The following PLB1 variants were observed in gnomAD, a reference collection of about 807,000 sequenced individuals.
The protein encoded by PLB1 is phospholipase B1, also known as phospholipase B1, membrane-associated.
A neutral mutation model predicts 227.4 loss-of-function variants in PLB1; 242 were observed. That is an observed-to-expected ratio of 1.06 (90% CI 0.96 to 1.18). The LOEUF is 1.18. PLB1 is among the 50% of genes most tolerant of loss of function. The pLI is 0.00. For missense variants in PLB1, 1,858 were observed against 1,816.3 expected, an observed-to-expected ratio of 1.02 and a Z score of -0.42; for synonymous variants, 757 against 682.2, an observed-to-expected ratio of 1.11 and a Z score of -1.71.
intron 50 of PLB1, among the ~76,000 whole-genome samples, chr2:28,625,902 G>A (rs560272816): frequency 6.8e-6 from 1 of 147,546 alleles, no homozygotes; most frequent in African/African-American, 2.5e-5. Context: ...CCCGTCCCCC[G>A]CCAGCGCCCA....
chr2:28,542,547 G>T (rs908704132), intron 13 of PLB1, among the ~76,000 whole-genome samples: 2 of 152,166 alleles, frequency 1.3e-5, no homozygotes, highest in Non-Finnish European at 2.9e-5. Flanking sequence ...TGCTGGGGAA[G>T]TGCTCGCACC....
At chr2:28,540,038 C>T (rs1469032036) in intron 11 of PLB1, among the ~76,000 whole-genome samples, 1 of 141,174 alleles carries the variant, frequency 7.1e-6, no homozygotes, top group African/African-American at 2.7e-5. Flanking sequence ...GGAGAGCTTC[C>T]CTCCATCCCA....
In PLB1 at chr2:28,529,381, G is replaced by C. The variant is rs146542771; in HGVS notation, c.390G>C (p.Lys130Asn). The C allele has an allele frequency of 1.2e-6, 2 of 1,608,832 alleles. No individual in the cohort carries two copies. Among genetic ancestry groups the C allele is most frequent in the African/African-American group, 1.3e-5 (1 of 74,796 alleles). Reference sequence around the variant, plus strand: ...CAATGCCTGTGTGCCACACTGGAAAGAGAGTCATACCCCACGATGGTGCTG... The same window carrying C: ...CAATGCCTGTGTGCCACACTGGAAACAGAGTCATACCCCACGATGGTGCTG... ...SVPMPVCHTG[K>N]RVIPHDGAED... The change falls in exon 7 of 58, where the codon AAG becomes AAC. Residue 130 changes from lysine (K) to asparagine (N), a missense_variant. By Grantham distance (94) the Lys-to-Asn change is moderately conservative (BLOSUM62 0). Transcript: ENST00000327757.
intron 2 of PLB1, among the ~76,000 whole-genome samples, chr2:28,517,556 G>A (rs1352525671): frequency 2.6e-5 from 4 of 152,106 alleles, no homozygotes; most frequent in Non-Finnish European, 5.9e-5. Flanking sequence ...AGTGTACCCA[G>A]TTTTTGGCAA....
chr2:28,594,002 C>T (rs1553447320), intron 33 of PLB1: 1 of 737,010 alleles, frequency 1.4e-6, no homozygotes, highest in Non-Finnish European at 2.5e-6. Context: ...TATCAGACTC[C>T]TGGGTCAGCA....
chr2:28,571,397 A>T (rs575542499), intron 20 of PLB1, among the ~76,000 whole-genome samples: 2 of 152,212 alleles, frequency 1.3e-5, no homozygotes, highest in Admixed American at 6.5e-5. Context: ...TACGGATTCA[A>T]TGTGATCCCT....
intron 54 of PLB1, among the ~76,000 whole-genome samples, chr2:28,630,871 C>T (rs1461885680): frequency 1.3e-5 from 2 of 152,176 alleles, no homozygotes; most frequent in Admixed American, 6.5e-5. Context: ...CTGAGAAAAT[C>T]CCCTTCTCCC....
At chr2:28,621,062 C>T (rs528703678) in intron 49 of PLB1, 84 bp downstream of exon 49, 28 of 1,184,338 alleles carry the variant, frequency 2.4e-5, no homozygotes, top group Non-Finnish European at 3.2e-5. Context: ...AGGGTGGTGT[C>T]CAGAAGCCTG....
At chr2:28,518,617 G>A in intron 3 of PLB1, 85 bp downstream of exon 3, 1 of 994,640 alleles carries the variant, frequency 1.0e-6, no homozygotes, top group Middle Eastern at 2.1e-4. Flanking sequence ...TATTCTTCTT[G>A]GACCTGTTGC....
chr2:28,599,964 A>G (rs9711725), intron 35 of PLB1, among the ~76,000 whole-genome samples: 7,427 of 151,932 alleles, frequency 0.049, 588 homozygotes, highest in African/African-American at 0.17. Context: ...GCTGAGTGCT[A>G]TGGCATGATC....
intron 18 of PLB1, among the ~76,000 whole-genome samples, 193 bp downstream of exon 18, chr2:28,563,292 C>T (rs966505841): frequency 5.9e-5 from 9 of 152,118 alleles, no homozygotes; most frequent in Non-Finnish European, 8.8e-5. Flanking sequence ...CATGGTTTCC[C>T]ACCTCCATTC....
rs749607214 is a variant in PLB1, at chr2:28,642,673, T to C, written c.4174-185T>C. 2.0e-5 allele frequency among the ~76,000 whole-genome samples: 3 copies of C among 152,288 alleles called. No homozygotes were observed. In the Middle Eastern group the frequency reaches 0.01, roughly 518 times the overall value. ...GGTTCTAGCTGGGTGTTGACCTCTT[T>C]AGAGGCCCATCCCGCTAAAGAGGGT... On this transcript the variant is annotated intron_variant, in intron 57 of 57. Transcript: ENST00000327757.
intron 12 of PLB1, 111 bp from the exon 13 acceptor site, chr2:28,541,596 C>T (rs562962823): frequency 9.8e-5 from 73 of 744,654 alleles, no homozygotes; most frequent in Non-Finnish European, 1.5e-4. Flanking sequence ...TTGACCACAA[C>T]GCAAGAGGCA....
chr2:28,512,671 GT>G lies in PLB1; in HGVS notation c.56-4128del, dbSNP rs112277432. ...AGCTAACCACTGATGTCTTTGCTCA[GT>G]TTTTTTTTCTTTCTTCTTTTTTTTT... On this transcript the variant is annotated intron_variant, in intron 1 of 57. Coordinates refer to ENST00000327757, the MANE Select transcript of PLB1 (RefSeq NM_153021.5). Among the ~76,000 whole-genome samples the G allele has an allele frequency of 9.7e-3, 1,443 of 148,512 alleles. 29 individuals carry two copies. Among genetic ancestry groups the G allele is most frequent in the African/African-American group, 0.034 (1,363 of 40,180 alleles).
intron 6 of PLB1, among the ~76,000 whole-genome samples, chr2:28,527,304 C>A (rs935256548): frequency 4.6e-5 from 7 of 152,216 alleles, no homozygotes; most frequent in Non-Finnish European, 1.0e-4. Context: ...GCAGATCTTG[C>A]TTCTGAAGCC....
chr2:28,537,658 CAAAAAAA>C (rs771254945), intron 9 of PLB1, among the ~76,000 whole-genome samples: 1 of 56,232 alleles, frequency 1.8e-5, no homozygotes, highest in African/African-American at 6.4e-5. Context: ...GACTCCATCT[CAAAAAAA>C]AAAAAAAAAA....
At chr2:28,521,163 T>A (rs1650913723) in intron 4 of PLB1, among the ~76,000 whole-genome samples, 1 of 152,236 alleles carries the variant, frequency 6.6e-6, no homozygotes, top group Non-Finnish European at 1.5e-5. Context: ...ATTTCATTTA[T>A]TCATTCACCC....
chr2:28,617,831 G>T, intron 45 of PLB1, 44 bp downstream of exon 45: 1 of 1,569,166 alleles, frequency 6.4e-7, no homozygotes, highest in Non-Finnish European at 8.8e-7. Context: ...GGGCCTTGCC[G>T]AATATCAGGT....
chr2:28,551,770 T>G (rs1051858313), intron 16 of PLB1, among the ~76,000 whole-genome samples: 11 of 152,224 alleles, frequency 7.2e-5, no homozygotes, highest in African/African-American at 2.7e-4. Context: ...ATTAATGTCA[T>G]AAGTCAGTAA....
Sources: allele counts gnomAD v4.1 joint callset (sites outside exome capture counted in the v4.1 genomes callset), GRCh38; gene constraint gnomAD v4.1.1; transcripts MANE v1.5; gene names NCBI Gene and HGNC (gene_info 2026-07-23, HGNC 2026-07-21).